PCLO: variants seen among roughly 807,000 people sequenced by gnomAD.
The protein encoded by PCLO is piccolo presynaptic cytomatrix protein, also known as protein piccolo.
PCLO carries 82 observed loss-of-function variants against 427.5 expected under a neutral mutation model. That is an observed-to-expected ratio of 0.19 (90% CI 0.16 to 0.23). PCLO has a LOEUF of 0.23. PCLO is among the 10% of genes least tolerant of loss of function. PCLO has a pLI of 1.00. For missense variants in PCLO, 6,239 were observed against 6,115.9 expected (o/e 1.02, Z -0.67); for synonymous variants, 2,357 against 2,155.4 (o/e 1.09, Z -2.59).
chr7:83,085,740 A>G (rs1790215157), intron 3 of PCLO, among the ~76,000 whole-genome samples: 1 of 152,194 alleles, frequency 6.6e-6, no homozygotes, highest in African/African-American at 2.4e-5. Context: ...TTAAAAAAAC[A>G]CATTAATCCA....
At chr7:82,846,712 A>AT in intron 11 of PCLO, 78 bp from the exon 12 acceptor site, 8 of 849,130 alleles carry the variant, frequency 9.4e-6, no homozygotes, top group Middle Eastern at 6.3e-4. Flanking sequence ...ACTACCCTTA[A>AT]TTTTTTTCAT....
At chr7:82,798,284 TCA>T (rs1791269851) in intron 22 of PCLO, among the ~76,000 whole-genome samples, 2 of 152,166 alleles carry the variant, frequency 1.3e-5, no homozygotes, top group African/African-American at 4.8e-5. Flanking sequence ...ATCTACAGAG[TCA>T]CAGTTTTTCT....
intron 3 of PCLO, among the ~76,000 whole-genome samples, chr7:83,021,743 G>C (rs375517110): frequency 6.6e-6 from 1 of 152,148 alleles, no homozygotes. Flanking sequence ...TCTGGGGAAG[G>C]TTCCTTCTAA....
intron 22 of PCLO, among the ~76,000 whole-genome samples, chr7:82,792,316 T>C (rs1386198797): frequency 6.6e-6 from 1 of 151,976 alleles, no homozygotes; most frequent in Non-Finnish European, 1.5e-5. Flanking sequence ...TAACAAAAGG[T>C]TGAATAATTT....
Position 83,156,325 on chromosome 7 carries a change from C to G in PCLO, c.316G>C (p.Ala106Pro), listed in dbSNP as rs1051485704. 11 of 1,612,894 alleles carry G rather than the reference C, an allele frequency of 6.8e-6. No homozygotes were observed. The highest frequency in any genetic ancestry group is 9.3e-6 in the Non-Finnish European group (11 of 1,179,714). ...SGRPPDPGRP[A>P]QPGLSKSRTT... Reference sequence around the variant, plus strand: ...CTACTTTTACTGAGACCAGGTTGAGCTGGACGCCCAGGGTCCGGGGGTCTT... The same window carrying G: ...CTACTTTTACTGAGACCAGGTTGAGGTGGACGCCCAGGGTCCGGGGGTCTT... Residue 106 changes from alanine (A) to proline (P), a missense_variant, in exon 2 of 25, where the codon GCT (alanine) becomes CCT (proline). Physicochemically the swap from Ala to Pro is conservative, Grantham distance 27. This residue lies in a region of PCLO where 4,677 missense variants were observed against 4,468.4 expected (regional missense o/e 1.05). Transcript: ENST00000333891.
chr7:83,138,427 A>G, intron 2 of PCLO, among the ~76,000 whole-genome samples: 1 of 152,168 alleles, frequency 6.6e-6, no homozygotes, highest in Non-Finnish European at 1.5e-5. Flanking sequence ...TTGGAAGGCC[A>G]ACATGGGCAG....
chr7:82,789,825 C>T (rs7792186), intron 22 of PCLO, among the ~76,000 whole-genome samples: 53,006 of 151,988 alleles, frequency 0.35, 9,712 homozygotes, highest in African/African-American at 0.42. Flanking sequence ...TTCAAAATCC[C>T]GTGAAGGTTT....
Position 82,954,704 on chromosome 7 carries a change from G to A in PCLO, c.6249C>T (p.Thr2083=), listed in dbSNP as rs1795463715. 4 of 1,613,806 alleles carry A rather than the reference G, an allele frequency of 2.5e-6. No individual in the cohort carries two copies. The highest frequency in any genetic ancestry group is 4.5e-5 in the East Asian group (2 of 44,854). Reference sequence around the variant, plus strand: ...TCATATCCTCACCAATGGGGGCCTGGGTTGGGCTAGATCCAGGTGTTAATT... The same window carrying A: ...TCATATCCTCACCAATGGGGGCCTGAGTTGGGCTAGATCCAGGTGTTAATT... The part of the protein sequence containing the change: ...QMQLTPGSSP[T]QAPIGEDMTE... Residue 2083 remains threonine (T), a synonymous_variant, in exon 5 of 25, where the codon ACC becomes ACT. Coordinates refer to ENST00000333891, the MANE Select transcript of PCLO (RefSeq NM_033026.6).
At chr7:82,911,583 T>C (rs1192842502) in intron 7 of PCLO, among the ~76,000 whole-genome samples, 1 of 152,122 alleles carries the variant, frequency 6.6e-6, no homozygotes, top group East Asian at 1.9e-4. Context: ...GTGAAATATA[T>C]ATACTTTTAA....
Position 82,952,909 on chromosome 7 carries a change from T to C in PCLO, c.8044A>G (p.Thr2682Ala). 6.2e-7 allele frequency: 1 copy of C among 1,613,922 alleles called. No individual in the cohort carries two copies. The highest frequency in any genetic ancestry group is 1.7e-5 in the Admixed American group (1 of 60,020). ...CCAACACTAGGAGCTGTACTTCTGG[T>C]TGCTGAAACCTCAGTCTTGGAAACT... ...TEVSKTEVSA[T>A]RSTAPSVGLS... Residue 2682 changes from threonine (T) to alanine (A), a missense_variant, in exon 5 of 25, where the codon ACC becomes GCC. Around this residue, in one of 5 missense-constraint regions of PCLO, gnomAD observed 4,677 missense variants for 4,468.4 expected, o/e 1.05. Coordinates refer to ENST00000333891, the MANE Select transcript of PCLO (RefSeq NM_033026.6).
chr7:83,098,613 C>A (rs1790654621), intron 3 of PCLO, among the ~76,000 whole-genome samples: 1 of 150,210 alleles, frequency 6.7e-6, no homozygotes, highest in African/African-American at 2.5e-5. Flanking sequence ...TAGTCCCAAA[C>A]TATTTCACCT....
chr7:82,919,389 C>G (rs1219929378), intron 6 of PCLO, among the ~76,000 whole-genome samples: 1 of 151,904 alleles, frequency 6.6e-6, no homozygotes, highest in Non-Finnish European at 1.5e-5. Context: ...AATTTAAGTT[C>G]CATCTGTCAA....
chr7:83,072,205 A>G (rs73707464), intron 3 of PCLO, among the ~76,000 whole-genome samples: 4,079 of 152,150 alleles, frequency 0.027, 180 homozygotes, highest in African/African-American at 0.093. Flanking sequence ...AGAAAAATGT[A>G]TGAGAAAATG....
At chr7:82,957,919 T>C (rs1795565846) in intron 4 of PCLO, among the ~76,000 whole-genome samples, 2 of 152,224 alleles carry the variant, frequency 1.3e-5, no homozygotes, top group Non-Finnish European at 2.9e-5. Context: ...GATGATGCCA[T>C]GACAACAATT....
At position 82,848,304 on chromosome 7, in the gene PCLO, GTTTTTTTTTTT is replaced by G. The variant is rs71522632; in HGVS notation, c.13655-1068_13655-1058del. On this transcript the variant is annotated intron_variant, in intron 10 of 24. Transcript: ENST00000333891. ...AATTATGTTGTTGAACCATTAGTTAGTTTTTTTTTTTTTTTTTTTTTTTTTTAAACAGGTCC... is the reference window on the plus strand; with the variant it reads ...AATTATGTTGTTGAACCATTAGTTAGTTTTTTTTTTTTTTTAAACAGGTCC... Among the ~76,000 whole-genome samples, 48 of 83,878 alleles carry G rather than the reference GTTTTTTTTTTT, an allele frequency of 5.7e-4. 1 individual carries two copies. The highest frequency in any genetic ancestry group is 5.7e-4 in the South Asian group (1 of 1,760). The allele number at this position is 83,878 out of a possible 152,430, so 55.0% of individuals were successfully genotyped here. A position where few individuals can be genotyped will look rare whatever the true frequency, so the allele number is the denominator to read the frequency against.
At chr7:83,123,007 T>C (rs545763792) in intron 3 of PCLO, among the ~76,000 whole-genome samples, 10 of 152,234 alleles carry the variant, frequency 6.6e-5, no homozygotes, top group Non-Finnish European at 1.3e-4. Flanking sequence ...GGAAAGATAG[T>C]TCATGTTTAT....
Position 82,916,852 on chromosome 7 carries a change from T to A in PCLO, c.11134A>T (p.Thr3712Ser). ...ACTTTTTTCTGGGCTCCAGAGGATG[T>A]CATGGTTTGAGAACCTTTAGTCTAT... is the stretch of plus-strand genomic sequence containing the variant. ...GYTTKGSQTM[T>S]SSGAQKKVKR... The change falls in exon 7 of 25, where the codon ACA becomes TCA. Residue 3712 changes from threonine (T) to serine (S), a missense_variant. Coordinates refer to ENST00000333891, the MANE Select transcript of PCLO (RefSeq NM_033026.6). 1 of 1,612,948 alleles carries A rather than the reference T, an allele frequency of 6.2e-7. No homozygotes were observed. The highest frequency in any genetic ancestry group is 8.5e-7 in the Non-Finnish European group (1 of 1,179,254).
At chr7:82,849,446 A>G (rs1162279712) in intron 10 of PCLO, among the ~76,000 whole-genome samples, 1 of 152,126 alleles carries the variant, frequency 6.6e-6, no homozygotes, top group Non-Finnish European at 1.5e-5. Flanking sequence ...GAATGGGACA[A>G]TTCTTTTATC....
At chr7:83,097,439 A>G (rs55893644) in intron 3 of PCLO, among the ~76,000 whole-genome samples, 65,711 of 144,416 alleles carry the variant, frequency 0.46, 15,371 homozygotes, top group East Asian at 0.71. Flanking sequence ...GGAGAATGGC[A>G]TGAACCCGGG....
Sources: gnomAD v4.1 joint callset for allele counts (sites outside exome capture counted in the v4.1 genomes callset) on GRCh38, gnomAD v4.1.1 for gene constraint, gnomAD v4.1.1 regional missense constraint, MANE v1.5 for transcripts, NCBI Gene and HGNC (gene_info 2026-07-23, HGNC 2026-07-21) for gene names.